Variants in DNMT1 observed in about 807,000 individuals in gnomAD.
The protein encoded by DNMT1 is DNA (cytosine-5)-methyltransferase 1.
A neutral mutation model predicts 205.3 loss-of-function variants in DNMT1; 24 were observed. The ratio of observed to expected loss-of-function variants is 0.12; its 90% CI spans 0.08 to 0.16. DNMT1 has a LOEUF of 0.16. Ranked by LOEUF, DNMT1 falls within the 10% of genes least tolerant of loss-of-function variation. The pLI is 1.00. For synonymous variants in DNMT1, 817 were observed against 839.8 expected, an observed-to-expected ratio of 0.97 and a Z score of 0.47; for missense variants, 1,293 against 2,177.7, an observed-to-expected ratio of 0.59 and a Z score of 8.09.
chr19:10,173,364 G>A (rs887904976), intron 8 of DNMT1, among the ~76,000 whole-genome samples, 190 bp from the exon 9 acceptor site: 1 of 151,960 alleles, frequency 6.6e-6, no homozygotes, highest in African/African-American at 2.4e-5. Context: ...AGCTGCCCTC[G>A]ATTCATTCCT....
intron 1 of DNMT1, among the ~76,000 whole-genome samples, chr19:10,190,790 TAAAATAAA>T (rs1358501057): frequency 1.5e-5 from 2 of 133,314 alleles, no homozygotes; most frequent in African/African-American, 5.8e-5. Flanking sequence ...TAAAATAAAA[TAAAATAAA>T]ATAAAATAAA....
chr19:10,133,731 T>C lies in DNMT1; in HGVS notation c.4865-30A>G. 1 of 1,573,974 alleles carries C rather than the reference T, an allele frequency of 6.4e-7. No individual in the cohort carries two copies. The highest frequency in any genetic ancestry group is 8.6e-7 in the Non-Finnish European group (1 of 1,158,580). On this transcript the variant is annotated intron_variant, in intron 40 of 40. Coordinates refer to ENST00000359526, the MANE Select transcript of DNMT1 (RefSeq NM_001130823.3). This position sits in a 1 kb window ranked among gnomAD's most constrained non-coding sequence, Gnocchi z 4.1. Reference sequence around the variant, plus strand: ...AGGGAAATAAAAGGAAAAGTCACTCTGGGGAACACGCCCGGTGTCACGCCA... The same window carrying C: ...AGGGAAATAAAAGGAAAAGTCACTCCGGGGAACACGCCCGGTGTCACGCCA...
intron 1 of DNMT1, among the ~76,000 whole-genome samples, chr19:10,191,997 T>A (rs2039313023): frequency 6.6e-6 from 1 of 152,110 alleles, no homozygotes; most frequent in African/African-American, 2.4e-5. Flanking sequence ...AATTTTTTTG[T>A]ATTTTTAGTA....
At chr19:10,142,505 C>T (rs139033484) in intron 29 of DNMT1, among the ~76,000 whole-genome samples, 1 of 148,840 alleles carries the variant, frequency 6.7e-6, no homozygotes, top group East Asian at 2.0e-4. Flanking sequence ...GTTAGGGAAT[C>T]GCAGGGTAAA....
chr19:10,158,663 C>A (rs530688275), intron 17 of DNMT1, among the ~76,000 whole-genome samples: 118 of 152,282 alleles, frequency 7.7e-4, no homozygotes, highest in African/African-American at 2.7e-3. Flanking sequence ...ACGTGAGCCT[C>A]GGTGAAGGTA....
chr19:10,133,423 A>C lies in DNMT1; in HGVS notation c.*244T>G, dbSNP rs981743761. The C allele has an allele frequency of 1.2e-5, 7 of 574,034 alleles. No homozygotes were observed. The African/African-American group carries it at 1.3e-4, about 11-fold the overall frequency. 35.6% of individuals were successfully genotyped at this position (574,034 alleles called of 1,614,324 possible). On this transcript the variant is annotated 3_prime_UTR_variant, in exon 41 of 41. Transcript: ENST00000359526. This position sits in a 1 kb window ranked among gnomAD's most constrained non-coding sequence, Gnocchi z 4.1. ...ATAAAGTCTTAATTTCCACTCATAC[A>C]GTGGTAGATTTGATATAATGCATAA...
rs959974113 is a variant in DNMT1, at chr19:10,137,958, G to A, written c.4167C>T (p.Asp1389=). ...AGGCTCCATTCCGCACCTCCGGCAG[G>A]TCGGACATCGTGTCTCGCACCGTGA... The part of the protein sequence containing the change: ...RTITVRDTMS[D]LPEVRNGASA... Residue 1389 remains aspartate (D), a synonymous_variant, in exon 36 of 41, where the codon GAC becomes GAT. Coordinates refer to ENST00000359526, the MANE Select transcript of DNMT1 (RefSeq NM_001130823.3). The surrounding 1 kb of genome is among the most constrained non-coding windows in gnomAD (Gnocchi z 6.4). 6.2e-7 allele frequency: 1 copy of A among 1,611,776 alleles called. No individual in the cohort carries two copies. The highest frequency in any genetic ancestry group is 1.7e-5 in the Admixed American group (1 of 59,802).
At chr19:10,188,246 A>G (rs866920903) in intron 1 of DNMT1, among the ~76,000 whole-genome samples, 2 of 152,188 alleles carry the variant, frequency 1.3e-5, no homozygotes, top group Non-Finnish European at 2.9e-5. Context: ...GCAGTAGGCA[A>G]AAGAGTAGAC....
chr19:10,146,248 G>A lies in DNMT1; in HGVS notation c.2894+103C>T. ...CAACGTGACGGCTAGGACAACAGCTGGTGCGGAGGGATTGGCAATGTCTGT... is the reference window on the plus strand; with the variant it reads ...CAACGTGACGGCTAGGACAACAGCTAGTGCGGAGGGATTGGCAATGTCTGT... On this transcript the variant is annotated intron_variant, in intron 28 of 40. Transcript: ENST00000359526. The surrounding 1 kb of genome is among the most constrained non-coding windows in gnomAD (Gnocchi z 4.4). 1 of 1,389,910 alleles carries A rather than the reference G, an allele frequency of 7.2e-7. No individual in the cohort carries two copies. Among genetic ancestry groups the A allele is most frequent in the African/African-American group, 1.4e-5 (1 of 69,644 alleles). The allele number at this position is 1,389,910 out of a possible 1,614,324, so 86.1% of individuals were successfully genotyped here.
chr19:10,183,490 C>T (rs529513048), intron 1 of DNMT1, among the ~76,000 whole-genome samples: 11 of 152,250 alleles, frequency 7.2e-5, no homozygotes, highest in African/African-American at 2.2e-4. Flanking sequence ...GAGGCCAAGG[C>T]GAGCGGATCA....
intron 28 of DNMT1, among the ~76,000 whole-genome samples, chr19:10,145,936 C>G (rs1037366102): frequency 6.6e-6 from 1 of 152,152 alleles, no homozygotes; most frequent in Non-Finnish European, 1.5e-5. Flanking sequence ...TCAAGTGATT[C>G]TCCTGTCTCT....
intron 11 of DNMT1, among the ~76,000 whole-genome samples, chr19:10,165,582 C>T (rs1471049971): frequency 1.3e-5 from 2 of 151,976 alleles, no homozygotes; most frequent in African/African-American, 2.4e-5. Flanking sequence ...TAGGTGACAC[C>T]GGATTTCACC....
At position 10,182,207 on chromosome 19, in the gene DNMT1, A is replaced by T. The variant is rs1432909685; in HGVS notation, c.81-130T>A. 5.3e-5 allele frequency: 50 copies of T among 947,828 alleles called. No individual in the cohort carries two copies. The East Asian group carries it at 1.2e-3, about 23-fold the overall frequency. 58.7% of individuals were successfully genotyped at this position (947,828 alleles called of 1,614,324 possible). A position where few individuals can be genotyped will look rare whatever the true frequency, so the allele number is the denominator to read the frequency against. On this transcript the variant is annotated intron_variant, in intron 1 of 40. Transcript: ENST00000359526. ...AACATATGAGTGTTAGAAAAAACTAAGCTGGCTTTTGTCTCCCCGCAAGAG... is the reference window on the plus strand; with the variant it reads ...AACATATGAGTGTTAGAAAAAACTATGCTGGCTTTTGTCTCCCCGCAAGAG...
At chr19:10,152,837 T>A (rs1412408432) in intron 22 of DNMT1, among the ~76,000 whole-genome samples, 1 of 150,962 alleles carries the variant, frequency 6.6e-6, no homozygotes, top group Non-Finnish European at 1.5e-5. Context: ...CAGTGCCTCA[T>A]GCCTCTAATC....
intron 8 of DNMT1, 60 bp from the exon 9 acceptor site, chr19:10,173,234 A>C: frequency 6.4e-7 from 1 of 1,562,044 alleles, no homozygotes; most frequent in Non-Finnish European, 8.8e-7. Context: ...CCAAAGAAGC[A>C]GTTTTCATAA....
chr19:10,148,617 C>T (rs554137959), intron 27 of DNMT1, among the ~76,000 whole-genome samples: 63 of 152,140 alleles, frequency 4.1e-4, no homozygotes, highest in African/African-American at 1.5e-3. Flanking sequence ...CTGAAGAACA[C>T]ACGGGAAGTC....
chr19:10,161,782 A>G (rs2038575281), intron 13 of DNMT1, among the ~76,000 whole-genome samples: 1 of 152,168 alleles, frequency 6.6e-6, no homozygotes, highest in South Asian at 2.1e-4. Flanking sequence ...TTTAAGAGAC[A>G]ATTATGGTTA....
chr19:10,190,780 T>G (rs2039285067), intron 1 of DNMT1, among the ~76,000 whole-genome samples: 1 of 88,980 alleles, frequency 1.1e-5, no homozygotes, highest in African/African-American at 3.7e-5. Context: ...TAAAATAAAA[T>G]AAAATAAAAT....
chr19:10,191,868 C>T (rs560602268), intron 1 of DNMT1, among the ~76,000 whole-genome samples: 2 of 151,596 alleles, frequency 1.3e-5, no homozygotes, highest in African/African-American at 4.8e-5. Context: ...GACAGAGTTT[C>T]GCTCCTGTTG....
Sources: allele counts gnomAD v4.1 joint callset (sites outside exome capture counted in the v4.1 genomes callset), GRCh38; gene constraint gnomAD v4.1.1; non-coding constraint Gnocchi (gnomAD v3.1); transcripts MANE v1.5; gene names NCBI Gene and HGNC (gene_info 2026-07-23, HGNC 2026-07-21).